TBC1D23: variants seen among roughly 807,000 people sequenced by gnomAD.
TBC1D23 encodes the protein HCV non-structural protein 4A-transactivated protein 1.
Under a neutral mutation model 91.4 loss-of-function variants are expected in TBC1D23, and 55 were observed. The observed-to-expected ratio is 0.60, with a 90% confidence interval of 0.48 to 0.75. The LOEUF (loss-of-function observed/expected upper bound fraction) is 0.75, where lower values mean the gene tolerates loss of function less well. TBC1D23 is among the 30% of genes least tolerant of loss of function. The probability of loss-of-function intolerance (pLI) is 0.00; values close to 1 mark genes in which losing one functional copy is unlikely to be tolerated. For synonymous variants in TBC1D23, 289 were observed against 281.0 expected, an observed-to-expected ratio of 1.03 and a Z score of -0.28; for missense variants, 725 against 836.1, an observed-to-expected ratio of 0.87 and a Z score of 1.64.
At chr3:100,314,115 T>TTG (rs1705683848) in intron 15 of TBC1D23, among the ~76,000 whole-genome samples, 1 of 147,558 alleles carries the variant, frequency 6.8e-6, no homozygotes, top group African/African-American at 2.5e-5. Context: ...TTTTTTTTTT[T>TTG]TGTGACCGAG....
chr3:100,310,821 T>C (rs1253816567), intron 14 of TBC1D23, among the ~76,000 whole-genome samples: 1 of 152,244 alleles, frequency 6.6e-6, no homozygotes, highest in Non-Finnish European at 1.5e-5. Context: ...ACATTTCATA[T>C]AGTAGCTGCT....
At chr3:100,302,901 T>G (rs1373910414) in intron 11 of TBC1D23, among the ~76,000 whole-genome samples, 6 of 152,208 alleles carry the variant, frequency 3.9e-5, no homozygotes, top group Admixed American at 3.9e-4. Flanking sequence ...TATGTTACAT[T>G]GATCTTTATG....
chr3:100,323,665 T>C lies in TBC1D23; in HGVS notation c.2097T>C (p.Ser699=). 6.7e-7 allele frequency: 1 copy of C among 1,495,390 alleles called. No individual in the cohort carries two copies. Among genetic ancestry groups the C allele is most frequent in the Non-Finnish European group, 9.0e-7 (1 of 1,115,204 alleles). The allele number at this position is 1,495,390 out of a possible 1,614,324, so 92.6% of individuals were successfully genotyped here. The change falls in exon 19 of 19, where the codon AGT becomes AGC. Residue 699 remains serine (S), a synonymous_variant. Transcript: ENST00000394144. ...QIMKVLDALE[S] ...TGAAAGTTTTGGATGCTTTGGAAAG[T>C]TAATATAAAAGAAAATTATATAAAA... is the stretch of plus-strand genomic sequence containing the variant.
intron 1 of TBC1D23, among the ~76,000 whole-genome samples, chr3:100,279,273 G>T (rs2067675800): frequency 6.6e-6 from 1 of 152,094 alleles, no homozygotes; most frequent in Non-Finnish European, 1.5e-5. Flanking sequence ...ATTGTTATGA[G>T]GATTAAAAAG....
Position 100,311,784 on chromosome 3 carries a change from AT to A in TBC1D23, c.1554-41del, listed in dbSNP as rs3217495. The A allele has an allele frequency of 8.6e-5, 118 of 1,364,932 alleles. No individual in the cohort carries two copies. The Middle Eastern group carries it at 4.6e-3, about 54-fold the overall frequency. 84.6% of individuals were successfully genotyped at this position (1,364,932 alleles called of 1,614,324 possible). A position where few individuals can be genotyped will look rare whatever the true frequency, so the allele number is the denominator to read the frequency against. The stretch of plus-strand genomic sequence containing the variant: ...ATATTTTTTGTTTTAAAGCTGTTGC[AT>A]TTTTTTTATAATCATTTTGTTCTGT... On this transcript the variant is annotated intron_variant, in intron 14 of 18. Transcript: ENST00000394144.
chr3:100,300,627 G>A (rs762860073), intron 10 of TBC1D23, among the ~76,000 whole-genome samples: 16 of 149,820 alleles, frequency 1.1e-4, no homozygotes, highest in Non-Finnish European at 7.4e-5. Flanking sequence ...TCAGCCTCCC[G>A]AGTAACTGGG....
At chr3:100,275,830 C>T (rs1465880041) in intron 1 of TBC1D23, among the ~76,000 whole-genome samples, 1 of 151,964 alleles carries the variant, frequency 6.6e-6, no homozygotes. Context: ...TATTATTTGG[C>T]AATGAAAAGC....
chr3:100,277,634 T>C (rs11710065), intron 1 of TBC1D23, among the ~76,000 whole-genome samples: 38,900 of 152,208 alleles, frequency 0.26, 5,285 homozygotes, highest in East Asian at 0.49. Context: ...AAAAAGTGAA[T>C]AATTCTAATT....
intron 1 of TBC1D23, among the ~76,000 whole-genome samples, chr3:100,278,162 T>G (rs2067665566): frequency 6.6e-6 from 1 of 152,124 alleles, no homozygotes; most frequent in Non-Finnish European, 1.5e-5. Context: ...GTGAAAAAAA[T>G]GAAGAGTGGG....
Position 100,297,967 on chromosome 3 carries a change from T to TGATGCAGATGATGCA in TBC1D23, c.925_926insCAGATGATGCAGATG (p.Asp308_Asp309insAlaAspAspAlaAsp). The TGATGCAGATGATGCA allele has an allele frequency of 6.2e-7, 1 of 1,612,818 alleles. No homozygotes were observed. Among genetic ancestry groups the TGATGCAGATGATGCA allele is most frequent in the South Asian group, 1.1e-5 (1 of 91,030 alleles). On this transcript the variant is annotated inframe_insertion, in exon 9 of 19. Coordinates refer to ENST00000394144, the MANE Select transcript of TBC1D23 (RefSeq NM_001199198.3). ...GTAGTACTTTGTTGGGAATTAAGGA[T>TGATGCAGATGATGCA]GATGATGCAGATCTGAGTCAGGCTC...
rs115262756 is a variant in TBC1D23 at position 100,265,809 on chromosome 3, C to T, written c.53+4738C>T. Reference sequence around the variant, plus strand: ...TCTTAAAATTGTAAAAATATTAATTCCACAAAGAATCTTCTATTGTTGTTA... The same window carrying T: ...TCTTAAAATTGTAAAAATATTAATTTCACAAAGAATCTTCTATTGTTGTTA... On this transcript the variant is annotated intron_variant, in intron 1 of 18. Coordinates refer to ENST00000394144, the MANE Select transcript of TBC1D23 (RefSeq NM_001199198.3). Among the ~76,000 whole-genome samples, 1,035 of 152,138 alleles carry T rather than the reference C, an allele frequency of 6.8e-3. 15 individuals are homozygous for T. The highest frequency in any genetic ancestry group is 0.024 in the African/African-American group (994 of 41,524).
At chr3:100,286,975 C>T (rs916961702) in intron 4 of TBC1D23, among the ~76,000 whole-genome samples, 17 of 150,416 alleles carry the variant, frequency 1.1e-4, no homozygotes, top group Non-Finnish European at 2.1e-4. Context: ...CCACCACACC[C>T]GGCGAATTTT....
In TBC1D23 at chr3:100,295,101, T is replaced by C; in HGVS notation, c.615T>C (p.Phe205=). Residue 205 remains phenylalanine, a synonymous_variant, in exon 6 of 19, where the codon TTT becomes TTC. Transcript: ENST00000394144. ...SYALNWLGSL[F]ACYCSTEVTQ... ...CCTGATTACAGCTTGGAAGTCTTTT[T>C]GCATGTTACTGTTCCACTGAAGTCA... 6.3e-7 allele frequency: 1 copy of C among 1,588,330 alleles called. No homozygotes were observed. The highest frequency in any genetic ancestry group is 8.5e-7 in the Non-Finnish European group (1 of 1,171,790).
At position 100,320,851 on chromosome 3, in the gene TBC1D23, A is replaced by G; in HGVS notation, c.1898A>G (p.Gln633Arg). ...TCACGGAAAGGATTGGCTTATATAC[A>G]GTCTCGACAAGCGCTGAATTCTGTA... ...IVSRKGLAYI[Q>R]SRQALNSVVK... The change falls in exon 18 of 19, where the codon CAG becomes CGG. Residue 633 changes from glutamine to arginine, a missense_variant. Transcript: ENST00000394144. 3.1e-6 allele frequency: 5 copies of G among 1,613,134 alleles called. No homozygotes were observed. Among genetic ancestry groups the G allele is most frequent in the Non-Finnish European group, 3.4e-6 (4 of 1,179,328 alleles).
At chr3:100,323,257 GTA>G in intron 18 of TBC1D23, among the ~76,000 whole-genome samples, 1 of 152,206 alleles carries the variant, frequency 6.6e-6, no homozygotes, top group Non-Finnish European at 1.5e-5. Context: ...AGGTACATCT[GTA>G]TTGGGGAGTG....
chr3:100,320,891 C>CA lies in TBC1D23; in HGVS notation c.1947dup (p.His650ThrfsTer3), dbSNP rs747637295. Reference sequence around the variant, plus strand: ...TGAATTCTGTAGTTAAAATTACATCCAAAAAAAAACATCCTGAACTCATTA... The same window carrying CA: ...TGAATTCTGTAGTTAAAATTACATCCAAAAAAAAAACATCCTGAACTCATTA... On this transcript the variant is annotated frameshift_variant, in exon 18 of 19. Coordinates refer to ENST00000394144, the MANE Select transcript of TBC1D23 (RefSeq NM_001199198.3). LOFTEE classifies it high-confidence loss of function. 234 of 1,580,922 alleles carry CA rather than the reference C, an allele frequency of 1.5e-4. No homozygotes were observed. Among genetic ancestry groups the CA allele is most frequent in the South Asian group, 2.0e-4 (18 of 88,558 alleles).
chr3:100,308,077 C>T (rs1327516067), intron 13 of TBC1D23, among the ~76,000 whole-genome samples: 3 of 152,198 alleles, frequency 2.0e-5, no homozygotes, highest in African/African-American at 7.2e-5. Flanking sequence ...TCTTAAAGAG[C>T]ATTCTTTTCA....
intron 4 of TBC1D23, among the ~76,000 whole-genome samples, chr3:100,287,590 G>A (rs1003911112): frequency 2.0e-5 from 3 of 152,134 alleles, no homozygotes. Context: ...TAAGGAGGAG[G>A]TAGTCATACC....
chr3:100,316,966 C>T (rs1055587395), intron 16 of TBC1D23, among the ~76,000 whole-genome samples: 2 of 151,780 alleles, frequency 1.3e-5, no homozygotes, highest in Middle Eastern at 3.4e-3. Context: ...GCCCATAATC[C>T]CAGCTAATTG....
Sources: gnomAD v4.1 joint callset for allele counts (sites outside exome capture counted in the v4.1 genomes callset) on GRCh38, gnomAD v4.1.1 for gene constraint, MANE v1.5 for transcripts, NCBI Gene and HGNC (gene_info 2026-07-23, HGNC 2026-07-21) for gene names.